KIFC3: variants seen among roughly 807,000 people sequenced by gnomAD.
The protein encoded by KIFC3 is kinesin family member C3, also known as kinesin-like protein KIFC3.
KIFC3 carries 60 observed loss-of-function variants against 101.8 expected under a neutral mutation model. The observed-to-expected ratio is 0.59, with a 90% CI of 0.48 to 0.73. The LOEUF is 0.73. KIFC3 is among the 30% of genes least tolerant of loss of function. The pLI is 0.00. For synonymous variants in KIFC3, 476 were observed against 482.7 expected (o/e 0.99, Z 0.18); for missense variants, 966 against 1,137.1 (o/e 0.85, Z 2.16).
intron 1 of KIFC3, among the ~76,000 whole-genome samples, chr16:57,812,922 C>A (rs2055126572): frequency 2.0e-5 from 3 of 152,226 alleles, no homozygotes; most frequent in Admixed American, 6.5e-5. Context: ...CCAGACTAGA[C>A]CTAACGCTGA....
rs1555608619 is a variant in KIFC3, at chr16:57,771,665, G to A, written c.403C>T (p.His135Tyr). 2 of 1,612,508 alleles carry A rather than the reference G, an allele frequency of 1.2e-6. No individual in the cohort carries two copies. The highest frequency in any genetic ancestry group is 3.3e-5 in the Admixed American group (2 of 59,888). Residue 135 changes from histidine (H) to tyrosine (Y), a missense_variant, in exon 5 of 20, where the codon CAC becomes TAC. Coordinates refer to ENST00000445690, the MANE Select transcript of KIFC3 (RefSeq NM_001130100.2). Reference protein sequence around the residue: ...SELGGTDLEKHRDLLMVENER... With the variant: ...SELGGTDLEKYRDLLMVENER... ...TTCTCCACCATCAGCAGGTCCCGGT[G>A]CTTCTCCAAGTCGGTGCCCCCCTGC... is the stretch of plus-strand genomic sequence containing the variant.
exon 1 of KIFC3, chr16:57,862,852 T>C (rs1168272033): frequency 1.6e-6 from 2 of 1,213,840 alleles, no homozygotes; most frequent in Non-Finnish European, 2.2e-6. Context: ...GAGCAATACG[T>C]TTTACTGGGT....
At chr16:57,845,628 C>CAGGT (rs1258989483) in intron 1 of KIFC3, among the ~76,000 whole-genome samples, 1 of 152,148 alleles carries the variant, frequency 6.6e-6, no homozygotes, top group Non-Finnish European at 1.5e-5. Context: ...CCTGCTCAGG[C>CAGGT]AGGTGTTCCT....
intron 1 of KIFC3, among the ~76,000 whole-genome samples, chr16:57,828,422 T>C (rs1174816331): frequency 6.6e-6 from 1 of 152,124 alleles, no homozygotes; most frequent in East Asian, 1.9e-4. Flanking sequence ...GATGTGGCCA[T>C]GAGGAAATGG....
rs782334561 is a variant in KIFC3, at chr16:57,795,020, G to A, written c.294C>T (p.His98=). 2.9e-5 allele frequency: 46 copies of A among 1,595,510 alleles called. No homozygotes were observed. The highest frequency in any genetic ancestry group is 6.8e-5 in the African/African-American group (5 of 73,360). ...TTACCTGCAGGGTCAGGTAGAGCCC[G>A]TGGGGGCTTCCGGGGCCAGCCCAGT... is the stretch of plus-strand genomic sequence containing the variant. ...SVDWAGPGSP[H]GLYLTLQVEH... The change falls in exon 3 of 20, where the codon CAC becomes CAT. Residue 98 remains histidine, a synonymous_variant. Transcript: ENST00000445690.
intron 19 of KIFC3, 28 bp from the exon 20 acceptor site, chr16:57,758,937 T>C (rs574143974): frequency 9.0e-6 from 14 of 1,553,464 alleles, no homozygotes; most frequent in African/African-American, 1.4e-5. Context: ...CATCAGCCTC[T>C]TGTCCACTTG....
chr16:57,835,284 A>G (rs1396485206), intron 1 of KIFC3, among the ~76,000 whole-genome samples: 1 of 152,248 alleles, frequency 6.6e-6, no homozygotes, highest in Admixed American at 6.5e-5. Context: ...AAATCCAATC[A>G]GCTCATTGAT....
intron 1 of KIFC3, among the ~76,000 whole-genome samples, chr16:57,839,094 G>A (rs1252642041): frequency 2.0e-5 from 3 of 151,968 alleles, no homozygotes; most frequent in Admixed American, 6.6e-5. Context: ...TGGGGAGGCC[G>A]AAGTGGGAGG....
At chr16:57,802,601 T>TGGCGCGCACGCGTCAGCCCG, upstream of KIFC3, 1 of 982,446 alleles carries the variant, frequency 1.0e-6, no homozygotes, top group Non-Finnish European at 1.2e-6. This position sits in a 1 kb window ranked among gnomAD's most constrained non-coding sequence, Gnocchi z 5.0. Flanking sequence ...TCACGCGCAC[T>TGGCGCGCACGCGTCAGCCCG]GGCGCGCACG....
intron 3 of KIFC3, among the ~76,000 whole-genome samples, chr16:57,794,273 C>T (rs903016340): frequency 5.3e-5 from 8 of 151,136 alleles, no homozygotes; most frequent in African/African-American, 1.7e-4. Context: ...CACTCTGTCA[C>T]GCAGGCTGGA....
At chr16:57,778,152 C>G (rs556778007) in intron 3 of KIFC3, among the ~76,000 whole-genome samples, 1 of 152,128 alleles carries the variant, frequency 6.6e-6, no homozygotes, top group Non-Finnish European at 1.5e-5. Flanking sequence ...CAGTGGCACA[C>G]GCCTGTGGTC....
chr16:57,800,588 T>A (rs1325438942), intron 1 of KIFC3, among the ~76,000 whole-genome samples: 2 of 152,126 alleles, frequency 1.3e-5, no homozygotes, highest in African/African-American at 4.8e-5. Flanking sequence ...GAGAAGACTT[T>A]CAGGGAGATC....
intron 2 of KIFC3, 88 bp downstream of exon 2, chr16:57,797,984 T>G: frequency 6.5e-7 from 1 of 1,547,354 alleles, no homozygotes; most frequent in Non-Finnish European, 8.7e-7. Flanking sequence ...CTGACTGGGC[T>G]TAGGAACCGG....
intron 1 of KIFC3, among the ~76,000 whole-genome samples, chr16:57,860,307 G>C (rs184935097): frequency 6.6e-6 from 1 of 152,004 alleles, no homozygotes; most frequent in Non-Finnish European, 1.5e-5. Context: ...TACAAAATTA[G>C]CTGGGCATGG....
Position 57,802,297 on chromosome 16 carries a change from G to A in KIFC3, c.-40+73C>T, listed in dbSNP as rs1307935670. 4.8e-5 allele frequency: 39 copies of A among 809,006 alleles called. No individual in the cohort carries two copies. The Middle Eastern group carries it at 1.9e-3, about 39-fold the overall frequency. 50.1% of individuals were successfully genotyped at this position (809,006 alleles called of 1,614,324 possible). A position where few individuals can be genotyped will look rare whatever the true frequency, so the allele number is the denominator to read the frequency against. ...CCGAGGGCAGGGCCGGCCCGGACGC[G>A]GCGCCCCAAACGGCGGGCCGGGCAG... On this transcript the variant is annotated intron_variant, in intron 1 of 19. Coordinates refer to ENST00000445690, the MANE Select transcript of KIFC3 (RefSeq NM_001130100.2). This position sits in a 1 kb window ranked among gnomAD's most constrained non-coding sequence, Gnocchi z 5.0.
chr16:57,759,616 G>T (rs2049576358), intron 18 of KIFC3, 112 bp downstream of exon 18: 2 of 766,912 alleles, frequency 2.6e-6, no homozygotes, highest in Non-Finnish European at 4.2e-6. Flanking sequence ...TCTGGAGAAG[G>T]TGTAAGAACT....
intron 1 of KIFC3, among the ~76,000 whole-genome samples, chr16:57,855,928 A>T (rs1411485035): frequency 6.8e-6 from 1 of 147,460 alleles, no homozygotes; most frequent in African/African-American, 2.5e-5. Flanking sequence ...CCTGGGTGAC[A>T]GAGTGAGACT....
Position 57,760,333 on chromosome 16 carries a change from A to G in KIFC3, c.2316T>C (p.Pro772=), listed in dbSNP as rs953918326. ...AERVRSVELG[P]GLRRAELGSW... ...ACCCAAGCTCTGCCCTGCGTAGCCC[A>G]GGCCCCAGCTCCACAGAGCGCACCC... The change falls in exon 17 of 20, where the codon CCT becomes CCC. Residue 772 remains proline (P), a synonymous_variant. Coordinates refer to ENST00000445690, the MANE Select transcript of KIFC3 (RefSeq NM_001130100.2). The G allele has an allele frequency of 6.2e-7, 1 of 1,613,908 alleles. No homozygotes were observed. Among genetic ancestry groups the G allele is most frequent in the Non-Finnish European group, 8.5e-7 (1 of 1,179,972 alleles).
chr16:57,853,424 A>G (rs923486104), intron 1 of KIFC3, among the ~76,000 whole-genome samples: 15 of 135,428 alleles, frequency 1.1e-4, no homozygotes, highest in African/African-American at 3.7e-4. Context: ...ATCTCAAAAT[A>G]AAATAAAATA....
Sources: gnomAD v4.1 joint callset for allele counts (sites outside exome capture counted in the v4.1 genomes callset) on GRCh38, gnomAD v4.1.1 for gene constraint, Gnocchi (gnomAD v3.1) non-coding constraint, MANE v1.5 for transcripts, NCBI Gene and HGNC (gene_info 2026-07-23, HGNC 2026-07-21) for gene names.